Variants in PIEZO2 observed in about 807,000 individuals in gnomAD.
PIEZO2 encodes piezo type mechanosensitive ion channel component 2, also known as piezo-type mechanosensitive ion channel component 2.
Under a neutral mutation model 337.3 loss-of-function variants are expected in PIEZO2, and 172 were observed. The observed-to-expected ratio is 0.51, with a 90% CI of 0.45 to 0.58. The LOEUF is 0.58. PIEZO2 is among the 20% of genes least tolerant of loss of function. The pLI, the probability that PIEZO2 is intolerant of heterozygous loss-of-function variation, is 0.00. For missense variants in PIEZO2, 3,028 were observed against 3,391.3 expected (o/e 0.89, Z 2.66); for synonymous variants, 1,251 against 1,228.5 (o/e 1.02, Z -0.38).
rs1555689856 is a variant in PIEZO2, at chr18:10,995,082, A to AAAAAAAAAAAGAAAG, written c.161-15423_161-15422insCTTTCTTTTTTTTTT. Among the ~76,000 whole-genome samples the AAAAAAAAAAAGAAAG allele has an allele frequency of 1.7e-3, 223 of 128,082 alleles. 1 individual carries two copies. Among genetic ancestry groups the AAAAAAAAAAAGAAAG allele is most frequent in the East Asian group, 9.9e-3 (47 of 4,764 alleles). 84.0% of individuals were successfully genotyped at this position (128,082 alleles called of 152,430 possible). A position where few individuals can be genotyped will look rare whatever the true frequency, so the allele number is the denominator to read the frequency against. On this transcript the variant is annotated intron_variant, in intron 2 of 55. Transcript: ENST00000674853. ...AACAGAGTGAGACTCCGTCTCAAAA[A>AAAAAAAAAAAGAAAG]AAAAAAAAAAAAAAGAAAAGCGTTC...
chr18:10,935,503 C>T (rs1284979313), intron 3 of PIEZO2, among the ~76,000 whole-genome samples: 1 of 152,200 alleles, frequency 6.6e-6, no homozygotes, highest in Admixed American at 6.5e-5. Context: ...AGAAAAGACT[C>T]TGTTCCTGGT....
At chr18:10,977,803 A>T (rs369575996) in intron 3 of PIEZO2, among the ~76,000 whole-genome samples, 3 of 152,366 alleles carry the variant, frequency 2.0e-5, no homozygotes, top group Admixed American at 1.3e-4. Context: ...TGCTAAATTA[A>T]GGAAGTCATA....
At chr18:10,910,211 T>G (rs964403526) in intron 4 of PIEZO2, among the ~76,000 whole-genome samples, 1 of 152,148 alleles carries the variant, frequency 6.6e-6, no homozygotes, top group Non-Finnish European at 1.5e-5. Context: ...CACTGAAAAT[T>G]TGAGATAAGA....
chr18:10,678,789 G>A (rs1012847656), intron 52 of PIEZO2, among the ~76,000 whole-genome samples: 9 of 151,756 alleles, frequency 5.9e-5, no homozygotes, highest in Non-Finnish European at 1.2e-4. Context: ...GCTCAGGCTG[G>A]GCAGAGAGGA....
chr18:11,049,170 A>G (rs762908147), intron 2 of PIEZO2, among the ~76,000 whole-genome samples: 1 of 152,172 alleles, frequency 6.6e-6, no homozygotes, highest in Non-Finnish European at 1.5e-5. Context: ...GGCTTTATCC[A>G]TCTCTTCAGC....
At chr18:10,752,183 C>T (rs1431860447) in intron 28 of PIEZO2, among the ~76,000 whole-genome samples, 1 of 152,196 alleles carries the variant, frequency 6.6e-6, no homozygotes, top group East Asian at 1.9e-4. Context: ...CACCCAGTAT[C>T]ATAGAGAAAC....
At position 10,732,402 on chromosome 18, in the gene PIEZO2, C is replaced by T. The variant is rs115792451; in HGVS notation, c.4915-881G>A. Reference sequence around the variant, plus strand: ...TTCTGGGAGCTCTTTAAACCCAGATCTGTTCATCTTATTCTATAGTATTTT... The same window carrying T: ...TTCTGGGAGCTCTTTAAACCCAGATTTGTTCATCTTATTCTATAGTATTTT... On this transcript the variant is annotated intron_variant, in intron 35 of 55. Transcript: ENST00000674853. Among the ~76,000 whole-genome samples the T allele has an allele frequency of 2.9e-3, 436 of 152,306 alleles. 1 individual carries two copies. The highest frequency in any genetic ancestry group is 0.01 in the African/African-American group (425 of 41,562).
intron 18 of PIEZO2, among the ~76,000 whole-genome samples, chr18:10,779,290 T>A (rs1166711733): frequency 6.6e-6 from 1 of 152,342 alleles, no homozygotes; most frequent in East Asian, 1.9e-4. Flanking sequence ...AGAATTATTT[T>A]GTTAATTGGA....
chr18:10,869,096 G>T (rs1437499627), intron 5 of PIEZO2, among the ~76,000 whole-genome samples: 1 of 152,212 alleles, frequency 6.6e-6, no homozygotes, highest in East Asian at 1.9e-4. Context: ...AGAGCAAATA[G>T]CAATTTATCT....
intron 7 of PIEZO2, among the ~76,000 whole-genome samples, chr18:10,851,410 T>C (rs767953525): frequency 5.9e-5 from 9 of 152,184 alleles, no homozygotes; most frequent in Non-Finnish European, 1.2e-4. Flanking sequence ...TAACTTCCAA[T>C]GTCTTACTCT....
chr18:10,737,286 A>AAAAAAAGAAC, intron 33 of PIEZO2, among the ~76,000 whole-genome samples: 1 of 133,762 alleles, frequency 7.5e-6, no homozygotes, highest in Middle Eastern at 3.9e-3. Context: ...AAGACATTTG[A>AAAAAAAGAAC]AAAAAAAAAA....
At chr18:10,911,772 CAA>C (rs1437043949) in intron 3 of PIEZO2, among the ~76,000 whole-genome samples, 3 of 10,282 alleles carry the variant, frequency 2.9e-4, no homozygotes, top group South Asian at 0.028. Context: ...CAAAACAAAA[CAA>C]AACAACAACA....
chr18:10,951,767 G>A (rs1908333652), intron 3 of PIEZO2, among the ~76,000 whole-genome samples: 2 of 152,110 alleles, frequency 1.3e-5, no homozygotes, highest in Non-Finnish European at 2.9e-5. Flanking sequence ...AAGTCTACCT[G>A]TCACCCTTGA....
At position 10,714,907 on chromosome 18, in the gene PIEZO2, G is replaced by A; in HGVS notation, c.5280C>T (p.Ser1760=). 1 of 1,537,096 alleles carries A rather than the reference G, an allele frequency of 6.5e-7. No homozygotes were observed. The highest frequency in any genetic ancestry group is 8.7e-7 in the Non-Finnish European group (1 of 1,146,814). Residue 1760 remains serine, a synonymous_variant, in exon 39 of 56, where the codon AGC becomes AGT. Transcript: ENST00000674853. Reference sequence around the variant, plus strand: ...TGTGGTTCTGATAGTACATGTGGATGCTCTCCCGAGTTGGAACATTGCCCT... The same window carrying A: ...TGTGGTTCTGATAGTACATGTGGATACTCTCCCGAGTTGGAACATTGCCCT... ...IKKGNVPTRE[S]IHMYYQNHIM... is the part of the protein sequence containing the mutation.
chr18:11,026,978 C>A (rs973311916), intron 2 of PIEZO2, among the ~76,000 whole-genome samples: 1 of 152,140 alleles, frequency 6.6e-6, no homozygotes, highest in Admixed American at 6.5e-5. Flanking sequence ...TGGGAGCGCT[C>A]GTCTCCAAGC....
intron 3 of PIEZO2, among the ~76,000 whole-genome samples, chr18:10,931,256 G>A (rs2032066043): frequency 6.6e-6 from 1 of 152,174 alleles, no homozygotes; most frequent in African/African-American, 2.4e-5. Flanking sequence ...CTGGAGTGCA[G>A]TGGCGCCATC....
At chr18:10,720,234 G>GCGTATATATATATATATATA (rs1555631512) in intron 36 of PIEZO2, among the ~76,000 whole-genome samples, 3 of 119,918 alleles carry the variant, frequency 2.5e-5, no homozygotes, top group African/African-American at 1.0e-4. Flanking sequence ...GTGTGTGTGT[G>GCGTATATATATATATATATA]TATATATATA....
At chr18:10,985,246 G>C (rs1476309724) in intron 2 of PIEZO2, among the ~76,000 whole-genome samples, 1 of 151,838 alleles carries the variant, frequency 6.6e-6, no homozygotes, top group Non-Finnish European at 1.5e-5. Flanking sequence ...AAATACAAAA[G>C]TATTAAAAAT....
chr18:10,976,230 AGTTT>A (rs1338999266), intron 3 of PIEZO2, among the ~76,000 whole-genome samples: 1 of 152,164 alleles, frequency 6.6e-6, no homozygotes, highest in Non-Finnish European at 1.5e-5. Flanking sequence ...AAAGCTCTGA[AGTTT>A]GTTTGTTCTT....
Sources: gnomAD v4.1 joint callset for allele counts (sites outside exome capture counted in the v4.1 genomes callset) on GRCh38, gnomAD v4.1.1 for gene constraint, MANE v1.5 for transcripts, NCBI Gene and HGNC (gene_info 2026-07-23, HGNC 2026-07-21) for gene names.